RAPGEF4: variants seen among roughly 807,000 people sequenced by gnomAD.
The protein encoded by RAPGEF4 is Rap guanine nucleotide exchange factor 4.
In RAPGEF4, 66 loss-of-function variants were observed where a neutral mutation model predicts 147.9. The ratio of observed to expected loss-of-function variants is 0.45; its 90% CI spans 0.37 to 0.55. RAPGEF4 has a LOEUF of 0.55. Ranked by LOEUF, RAPGEF4 falls within the 20% of genes least tolerant of loss-of-function variation. The pLI, the probability that RAPGEF4 is intolerant of heterozygous loss-of-function variation, is 0.00. For missense variants in RAPGEF4, 1,071 were observed against 1,257.3 expected (o/e 0.85, Z 2.24); for synonymous variants, 419 against 442.7 (o/e 0.95, Z 0.67).
At chr2:172,923,054 G>A (rs934512184) in intron 6 of RAPGEF4, among the ~76,000 whole-genome samples, 4 of 152,202 alleles carry the variant, frequency 2.6e-5, no homozygotes, top group African/African-American at 9.6e-5. Context: ...CAACGTTACA[G>A]GATTGTCACC....
intron 1 of RAPGEF4, among the ~76,000 whole-genome samples, chr2:172,786,084 C>G (rs12471745): frequency 0.077 from 11,660 of 152,190 alleles, 549 homozygotes; most frequent in East Asian, 0.24. Context: ...TTGTGCTCCA[C>G]CTAACTCAGG....
rs3769271 is a variant in RAPGEF4, at chr2:172,898,934, C to A, written c.445-18868C>A. ...GCACTCCTCCACTCCCTCAGGTTTT[C>A]TTTCCTGCAGATTATCTTTGTTTTC... On this transcript the variant is annotated intron_variant, in intron 4 of 30. Coordinates refer to ENST00000397081, the MANE Select transcript of RAPGEF4 (RefSeq NM_007023.4). 1.6e-3 allele frequency among the ~76,000 whole-genome samples: 237 copies of A among 152,328 alleles called. 2 individuals carry two copies. The East Asian group carries it at 0.016, about 10-fold the overall frequency.
chr2:173,025,135 C>A (rs1020628430), intron 23 of RAPGEF4, among the ~76,000 whole-genome samples: 2 of 152,234 alleles, frequency 1.3e-5, no homozygotes, highest in South Asian at 4.1e-4. Context: ...TGTGTTGTTG[C>A]TTCTGTCCCT....
chr2:172,808,872 G>A (rs1398549576), intron 3 of RAPGEF4, among the ~76,000 whole-genome samples: 1 of 152,166 alleles, frequency 6.6e-6, no homozygotes, highest in Non-Finnish European at 1.5e-5. Context: ...TGAGTGTTCT[G>A]ACCATGGGTA....
chr2:173,049,628 C>A (rs1015596741), intron 30 of RAPGEF4, among the ~76,000 whole-genome samples: 1 of 152,074 alleles, frequency 6.6e-6, no homozygotes, highest in African/African-American at 2.4e-5. Context: ...ACATGGGACA[C>A]CAGAACTACT....
intron 1 of RAPGEF4, among the ~76,000 whole-genome samples, chr2:172,770,980 T>C (rs1439928369): frequency 1.3e-5 from 2 of 152,188 alleles, no homozygotes; most frequent in African/African-American, 4.8e-5. Flanking sequence ...TGTAATGTAA[T>C]ACTTTCAGTT....
intron 4 of RAPGEF4, among the ~76,000 whole-genome samples, chr2:172,879,931 A>G (rs2149847700): frequency 6.6e-6 from 1 of 152,360 alleles, no homozygotes; most frequent in Non-Finnish European, 1.5e-5. Flanking sequence ...GGTGGGTGGT[A>G]CAACAAAAGC....
chr2:172,851,957 A>G (rs942153942), intron 4 of RAPGEF4, among the ~76,000 whole-genome samples: 1 of 152,216 alleles, frequency 6.6e-6, no homozygotes. Flanking sequence ...AAACTAAAAT[A>G]AAAGTTTTTA....
At chr2:173,036,282 A>G (rs1224403558) in intron 28 of RAPGEF4, 70 bp downstream of exon 28, 1 of 1,190,692 alleles carries the variant, frequency 8.4e-7, no homozygotes, top group Non-Finnish European at 1.2e-6. Flanking sequence ...CAATACCTTG[A>G]TAAGATTGAT....
At chr2:172,768,015 T>C (rs1406828442) in intron 1 of RAPGEF4, among the ~76,000 whole-genome samples, 2 of 152,074 alleles carry the variant, frequency 1.3e-5, no homozygotes, top group African/African-American at 2.4e-5. Context: ...TTTCGTCATG[T>C]TGGCCAGGCT....
chr2:172,762,012 C>T (rs1696395416), intron 1 of RAPGEF4, among the ~76,000 whole-genome samples: 1 of 152,150 alleles, frequency 6.6e-6, no homozygotes, highest in South Asian at 2.1e-4. Context: ...ATCCAAGCTA[C>T]TCGGGAGGCT....
intron 29 of RAPGEF4, among the ~76,000 whole-genome samples, chr2:173,037,480 G>A (rs1325066765): frequency 6.6e-6 from 1 of 152,198 alleles, no homozygotes; most frequent in Non-Finnish European, 1.5e-5. Flanking sequence ...GGGGGGGAAA[G>A]CAAGGTTATC....
intron 4 of RAPGEF4, among the ~76,000 whole-genome samples, chr2:172,896,581 C>G (rs928022529): frequency 2.0e-5 from 3 of 151,400 alleles, no homozygotes; most frequent in South Asian, 2.2e-4. Flanking sequence ...CATCCCACCC[C>G]CCCCCAAAAA....
At chr2:172,857,582 A>G (rs1322676504) in intron 4 of RAPGEF4, among the ~76,000 whole-genome samples, 1 of 152,214 alleles carries the variant, frequency 6.6e-6, no homozygotes, top group Non-Finnish European at 1.5e-5. Context: ...GGCTTGGGCC[A>G]TCTTACATAG....
At chr2:172,784,254 C>T (rs200198527) in intron 1 of RAPGEF4, among the ~76,000 whole-genome samples, 2 of 152,182 alleles carry the variant, frequency 1.3e-5, no homozygotes, top group East Asian at 1.9e-4. Flanking sequence ...AGCGGTGGCT[C>T]ACGCCTGTAA....
chr2:172,988,098 A>G (rs566195893), intron 12 of RAPGEF4, 98 bp from the exon 13 acceptor site: 4 of 1,421,164 alleles, frequency 2.8e-6, no homozygotes, highest in Non-Finnish European at 2.8e-6. Flanking sequence ...TTACGTATGC[A>G]TATTTTCTGG....
At chr2:172,855,793 C>T (rs1693347206) in intron 4 of RAPGEF4, among the ~76,000 whole-genome samples, 1 of 152,164 alleles carries the variant, frequency 6.6e-6, no homozygotes, top group Non-Finnish European at 1.5e-5. Flanking sequence ...CTTCTATTCT[C>T]TGTGAATTTT....
intron 4 of RAPGEF4, among the ~76,000 whole-genome samples, chr2:172,914,723 A>C (rs1683859241): frequency 6.6e-6 from 1 of 152,202 alleles, no homozygotes; most frequent in Admixed American, 6.5e-5. Context: ...AGGTTGTATC[A>C]TTTTACACTG....
At chr2:172,960,385 C>T (rs2105455726) in intron 6 of RAPGEF4, among the ~76,000 whole-genome samples, 1 of 152,290 alleles carries the variant, frequency 6.6e-6, no homozygotes, top group East Asian at 1.9e-4. Flanking sequence ...TTCTTCCCAC[C>T]CCTGGAGACA....
Sources: allele counts gnomAD v4.1 joint callset (sites outside exome capture counted in the v4.1 genomes callset), GRCh38; gene constraint gnomAD v4.1.1; transcripts MANE v1.5; gene names NCBI Gene and HGNC (gene_info 2026-07-23, HGNC 2026-07-21).